AADACL2: variants seen among roughly 807,000 people sequenced by gnomAD.
The protein encoded by AADACL2 is arylacetamide deacetylase like 2.
In AADACL2, 23 loss-of-function variants were observed where a neutral mutation model predicts 22.3. The ratio of observed to expected loss-of-function variants is 1.03; its 90% CI spans 0.74 to 1.46. The LOEUF (loss-of-function observed/expected upper bound fraction) is 1.46, where lower values mean the gene tolerates loss of function less well. AADACL2 is among the 40% of genes most tolerant of loss of function. AADACL2 has a pLI of 0.00. For synonymous variants in AADACL2, 177 were observed against 166.2 expected, an observed-to-expected ratio of 1.07 and a Z score of -0.50; for missense variants, 472 against 482.9, an observed-to-expected ratio of 0.98 and a Z score of 0.21.
chr3:151,744,679 A>T (rs959871691), intron 3 of AADACL2, among the ~76,000 whole-genome samples: 5 of 152,202 alleles, frequency 3.3e-5, no homozygotes, highest in Non-Finnish European at 7.3e-5. Flanking sequence ...AAATAAAGAT[A>T]CCAACATCTT....
At chr3:151,734,254 A>T in intron 1 of AADACL2, 81 bp downstream of exon 1, 1 of 1,364,824 alleles carries the variant, frequency 7.3e-7, no homozygotes, top group Non-Finnish European at 9.9e-7. Context: ...CTCTTTTATT[A>T]ATAGTATTAA....
At chr3:151,738,709 C>A (rs1001329513) in intron 1 of AADACL2, among the ~76,000 whole-genome samples, 1 of 152,002 alleles carries the variant, frequency 6.6e-6, no homozygotes, top group African/African-American at 2.4e-5. Flanking sequence ...TTCTGTTTTT[C>A]TCTAATCTTA....
intron 4 of AADACL2, among the ~76,000 whole-genome samples, chr3:151,746,966 C>G (rs112250225): frequency 2.0e-5 from 3 of 150,690 alleles, no homozygotes; most frequent in Non-Finnish European, 4.4e-5. Context: ...TGCAGTGGCG[C>G]GATCTCAGCT....
rs1714152084 is a variant in AADACL2 at position 151,761,319 on chromosome 3, G to A, written c.*3725G>A. On this transcript the variant is annotated 3_prime_UTR_variant, in exon 5 of 5. Coordinates refer to ENST00000356517, the MANE Select transcript of AADACL2 (RefSeq NM_207365.4). ...TCTTAAAAGTAAATAAAGGCCTTGT[G>A]CCATTGGTGGTGTTCTGAAAGGAAG... 6.4e-6 allele frequency: 1 copy of A among 157,406 alleles called. No individual in the cohort carries two copies. Among genetic ancestry groups the A allele is most frequent in the Non-Finnish European group, 1.4e-5 (1 of 71,268 alleles). 9.8% of individuals were successfully genotyped at this position (157,406 alleles called of 1,614,324 possible). A position where few individuals can be genotyped will look rare whatever the true frequency, so the allele number is the denominator to read the frequency against.
rs766933467 is a variant in AADACL2 at position 151,742,759 on chromosome 3, C to T, written c.362-1334C>T. The stretch of plus-strand genomic sequence containing the variant: ...GAAACACCCTGATTAGAAAACTCAT[C>T]CCACCAGTTGCTTGAAAGCGGTATC... On this transcript the variant is annotated intron_variant, in intron 2 of 4. Transcript: ENST00000356517. Among the ~76,000 whole-genome samples the T allele has an allele frequency of 5.3e-5, 8 of 152,292 alleles. No homozygotes were observed. The South Asian group carries it at 6.2e-4, about 12-fold the overall frequency.
chr3:151,745,621 C>T lies in AADACL2; in HGVS notation c.544C>T (p.Arg182Ter), dbSNP rs141274337. Residue 182 changes from arginine (R) to a stop codon, truncating the protein, a stop_gained, in exon 4 of 5, where the codon CGA becomes TGA. Transcript: ENST00000356517. LOFTEE classifies it high-confidence loss of function. ...TACAAAATATGGAGTGGATCCCACC[C>T]GAATCTGCATTGCGGGAGACAGTTC... ...ILTKYGVDPT[R>*]ICIAGDSSGG... is the part of the protein sequence containing the mutation. 91 of 1,613,394 alleles carry T rather than the reference C, an allele frequency of 5.6e-5. No individual in the cohort carries two copies. The highest frequency in any genetic ancestry group is 6.7e-5 in the African/African-American group (5 of 74,846).
chr3:151,753,104 T>C (rs1713732853), intron 4 of AADACL2, among the ~76,000 whole-genome samples: 1 of 152,200 alleles, frequency 6.6e-6, no homozygotes. Context: ...GGACATGGGA[T>C]GATGTCCCAT....
At chr3:151,736,027 A>C (rs1483710389) in intron 1 of AADACL2, among the ~76,000 whole-genome samples, 2 of 151,730 alleles carry the variant, frequency 1.3e-5, no homozygotes, top group African/African-American at 4.8e-5. Context: ...AAAGTGCCCT[A>C]ATCTTTTTGG....
chr3:151,753,250 A>C (rs1422663868), intron 4 of AADACL2, among the ~76,000 whole-genome samples: 1 of 152,170 alleles, frequency 6.6e-6, no homozygotes, highest in African/African-American at 2.4e-5. Flanking sequence ...TGCACCTGGA[A>C]GTGGTATCAC....
chr3:151,749,559 T>A (rs1489541337), intron 4 of AADACL2, among the ~76,000 whole-genome samples: 1 of 152,190 alleles, frequency 6.6e-6, no homozygotes, highest in Admixed American at 6.5e-5. Context: ...CTCTGCTCAC[T>A]GCACGCTCTG....
chr3:151,743,664 T>A (rs909082416), intron 2 of AADACL2, among the ~76,000 whole-genome samples: 1 of 152,182 alleles, frequency 6.6e-6, no homozygotes, highest in African/African-American at 2.4e-5. Flanking sequence ...ACTATTACTT[T>A]CTTTTTCCTC....
chr3:151,741,892 TA>T (rs1158893071), intron 2 of AADACL2, among the ~76,000 whole-genome samples: 3 of 152,162 alleles, frequency 2.0e-5, no homozygotes, highest in African/African-American at 7.2e-5. Flanking sequence ...TTGTGATCAG[TA>T]ATTTCTAAAA....
At chr3:151,734,334 C>T (rs1440109093) in intron 1 of AADACL2, among the ~76,000 whole-genome samples, 161 bp downstream of exon 1, 3 of 152,052 alleles carry the variant, frequency 2.0e-5, no homozygotes, top group Non-Finnish European at 4.4e-5. Flanking sequence ...AAATAAAACT[C>T]CCTATATCTG....
rs1381485452 is a variant in AADACL2, at chr3:151,761,204, G to GAGATAT, written c.*3611_*3612insGATATA. On this transcript the variant is annotated 3_prime_UTR_variant, in exon 5 of 5. Coordinates refer to ENST00000356517, the MANE Select transcript of AADACL2 (RefSeq NM_207365.4). ...ATATGGTGAGATATATACATATTGTGATATATATATATATATATATATATA... is the reference window on the plus strand; with the variant it reads ...ATATGGTGAGATATATACATATTGTGAGATATATATATATATATATATATATATATA... 2 of 85,452 alleles carry GAGATAT rather than the reference G, an allele frequency of 2.3e-5. No individual in the cohort carries two copies. Among genetic ancestry groups the GAGATAT allele is most frequent in the African/African-American group, 8.0e-5 (2 of 24,906 alleles). 5.3% of individuals were successfully genotyped at this position (85,452 alleles called of 1,614,324 possible).
intron 2 of AADACL2, among the ~76,000 whole-genome samples, chr3:151,741,849 G>C (rs1713288338): frequency 6.6e-6 from 1 of 151,968 alleles, no homozygotes; most frequent in Non-Finnish European, 1.5e-5. Flanking sequence ...TGATTATTAG[G>C]GTTATATCTC....
In AADACL2 at chr3:151,752,339, T is replaced by G. The variant is rs191223366; in HGVS notation, c.604-4653T>G. On this transcript the variant is annotated intron_variant, in intron 4 of 4. Coordinates refer to ENST00000356517, the MANE Select transcript of AADACL2 (RefSeq NM_207365.4). ...TTCACATTATAAAAGGATTTTCTCA[T>G]GGATTAGGACACATACATTACCCTG... 1.7e-3 allele frequency among the ~76,000 whole-genome samples: 263 copies of G among 152,348 alleles called. 2 individuals are homozygous for G. Among genetic ancestry groups the G allele is most frequent in the African/African-American group, 6.2e-3 (257 of 41,578 alleles).
chr3:151,744,913 T>C (rs1713390002), intron 3 of AADACL2, among the ~76,000 whole-genome samples: 1 of 152,140 alleles, frequency 6.6e-6, no homozygotes, highest in African/African-American at 2.4e-5. Flanking sequence ...TTTGTGCCCA[T>C]GAAAAGAAGA....
rs1189363794 is a variant in AADACL2, at chr3:151,761,102, TA to T, written c.*3509del. 6.8e-5 allele frequency: 10 copies of T among 147,888 alleles called. No homozygotes were observed. The highest frequency in any genetic ancestry group is 1.4e-4 in the Admixed American group (2 of 14,728). 9.2% of individuals were successfully genotyped at this position (147,888 alleles called of 1,614,324 possible). Reference sequence around the variant, plus strand: ...TTATATATATGGTGAGATATATATATATTTTTTTATATATGGTGAGATATAT... The same window carrying T: ...TTATATATATGGTGAGATATATATATTTTTTTTATATATGGTGAGATATAT... On this transcript the variant is annotated 3_prime_UTR_variant, in exon 5 of 5. Transcript: ENST00000356517.
intron 4 of AADACL2, among the ~76,000 whole-genome samples, chr3:151,749,672 A>G (rs1713590416): frequency 6.6e-6 from 1 of 151,812 alleles, no homozygotes; most frequent in Non-Finnish European, 1.5e-5. Context: ...TAGTAGAGAC[A>G]AGGTTTCACC....
Sources: gnomAD v4.1 joint callset for allele counts (sites outside exome capture counted in the v4.1 genomes callset) on GRCh38, gnomAD v4.1.1 for gene constraint, MANE v1.5 for transcripts, NCBI Gene and HGNC (gene_info 2026-07-23, HGNC 2026-07-21) for gene names.